The following NCKAP5 variants were observed in gnomAD, a reference collection of about 807,000 sequenced individuals.
NCKAP5 encodes NCK associated protein 5.
A neutral mutation model predicts 167.0 loss-of-function variants in NCKAP5; 92 were observed. The ratio of observed to expected loss-of-function variants is 0.55; its 90% CI spans 0.47 to 0.66. NCKAP5 has a LOEUF of 0.66. NCKAP5 is among the 30% of genes least tolerant of loss of function. The pLI is 0.00. For missense variants in NCKAP5, 2,378 were observed against 2,315.0 expected (o/e 1.03, Z -0.56); for synonymous variants, 891 against 877.4 (o/e 1.02, Z -0.27).
intron 2 of NCKAP5, among the ~76,000 whole-genome samples, chr2:133,547,238 G>A (rs1350254972): frequency 6.6e-6 from 1 of 152,168 alleles, no homozygotes; most frequent in East Asian, 1.9e-4. Context: ...CGCCCACGGA[G>A]TCTCGCTGAC....
intron 7 of NCKAP5, among the ~76,000 whole-genome samples, chr2:132,969,256 TG>T (rs2076759353): frequency 1.3e-5 from 2 of 152,186 alleles, no homozygotes; most frequent in African/African-American, 4.8e-5. Flanking sequence ...CAGGCTGGTC[TG>T]TAACTCCTGA....
intron 11 of NCKAP5, among the ~76,000 whole-genome samples, chr2:132,819,604 G>T (rs1030571239): frequency 1.3e-5 from 2 of 152,050 alleles, no homozygotes; most frequent in African/African-American, 4.8e-5. Context: ...GTCCTTCTAG[G>T]GAGCACGGAT....
rs1375678643 is a variant in NCKAP5, at chr2:132,731,949, G to C, written c.5231C>G (p.Ser1744Cys). 1.9e-6 allele frequency: 3 copies of C among 1,613,968 alleles called. No homozygotes were observed. The highest frequency in any genetic ancestry group is 2.7e-5 in the African/African-American group (2 of 75,046). ...STGRYLCQPD[S>C]PEDAEPLLPL... is the part of the protein sequence containing the mutation. The stretch of plus-strand genomic sequence containing the variant: ...CAGGAGAGGCTCAGCGTCCTCTGGG[G>C]AGTCTGGCTGGCATAGGTAGCGTCC... The change falls in exon 17 of 20, where the codon TCC becomes TGC. Residue 1744 changes from serine to cysteine, a missense_variant. Coordinates refer to ENST00000409261, the MANE Select transcript of NCKAP5 (RefSeq NM_207363.3).
chr2:133,556,263 AT>A (rs1483333435), intron 2 of NCKAP5, among the ~76,000 whole-genome samples: 14 of 152,352 alleles, frequency 9.2e-5, no homozygotes, highest in East Asian at 1.9e-4. Context: ...TTATACTTCA[AT>A]AAAAAAGGTT....
intron 11 of NCKAP5, among the ~76,000 whole-genome samples, chr2:132,854,709 T>C (rs1020486872): frequency 6.6e-6 from 1 of 152,190 alleles, no homozygotes; most frequent in Admixed American, 6.5e-5. Flanking sequence ...CCTTTCAGGC[T>C]TAATTGTAGA....
the NCKAP5 span, among the ~76,000 whole-genome samples, chr2:133,646,731 T>A: frequency 2.6e-5 from 4 of 152,198 alleles, no homozygotes; most frequent in Non-Finnish European, 5.9e-5. Context: ...GGTAAATCAC[T>A]TTTAATTCTA....
intron 2 of NCKAP5, chr2:133,526,963 T>C (rs1684975316): frequency 6.6e-6 from 1 of 152,132 alleles, no homozygotes; most frequent in South Asian, 2.1e-4. Flanking sequence ...AATGAGTGAA[T>C]TAAATTAGAA....
At chr2:133,170,264 G>T (rs1367437227) in intron 5 of NCKAP5, among the ~76,000 whole-genome samples, 1 of 152,102 alleles carries the variant, frequency 6.6e-6, no homozygotes, top group Non-Finnish European at 1.5e-5. Context: ...GGGGCAGATA[G>T]AACTCAAAAA....
intron 4 of NCKAP5, among the ~76,000 whole-genome samples, chr2:133,221,242 T>A (rs1274882368): frequency 6.6e-6 from 1 of 152,184 alleles, no homozygotes; most frequent in African/African-American, 2.4e-5. Flanking sequence ...AAAGTCAGTT[T>A]CCTTTACTGT....
At chr2:133,177,153 G>A (rs924199413) in intron 5 of NCKAP5, among the ~76,000 whole-genome samples, 3 of 88,150 alleles carry the variant, frequency 3.4e-5, no homozygotes, top group Admixed American at 2.8e-4. Context: ...CGACACAGGA[G>A]GTTTTGTTTT....
chr2:132,772,557 A>G (rs1401295931), intron 16 of NCKAP5, among the ~76,000 whole-genome samples: 1 of 152,244 alleles, frequency 6.6e-6, no homozygotes, highest in Non-Finnish European at 1.5e-5. Flanking sequence ...AGGGCTTTGC[A>G]CAATGTCATG....
intron 11 of NCKAP5, among the ~76,000 whole-genome samples, chr2:132,823,570 A>C (rs959284379): frequency 6.6e-6 from 1 of 152,194 alleles, no homozygotes; most frequent in East Asian, 1.9e-4. Flanking sequence ...CTTCAAAGAA[A>C]ACCTCAGAAT....
intron 3 of NCKAP5, among the ~76,000 whole-genome samples, chr2:133,360,061 A>G (rs542071186): frequency 5.7e-4 from 86 of 152,166 alleles, no homozygotes; most frequent in Non-Finnish European, 1.2e-3. Context: ...TGACCGCCCC[A>G]CCACCAGCCT....
At chr2:133,176,923 T>G (rs1044027210) in intron 5 of NCKAP5, among the ~76,000 whole-genome samples, 6 of 152,114 alleles carry the variant, frequency 3.9e-5, no homozygotes, top group African/African-American at 1.2e-4. Flanking sequence ...TACATTTAAT[T>G]CCATATAGGG....
intron 2 of NCKAP5, among the ~76,000 whole-genome samples, chr2:133,526,182 A>C (rs1475660371): frequency 8.4e-6 from 1 of 118,906 alleles, no homozygotes; most frequent in Admixed American, 8.7e-5. Context: ...GAAGGAAGGA[A>C]GGAAGGAAGG....
chr2:132,990,849 A>G (rs2077429014), intron 7 of NCKAP5, among the ~76,000 whole-genome samples: 1 of 152,222 alleles, frequency 6.6e-6, no homozygotes, highest in Non-Finnish European at 1.5e-5. Flanking sequence ...AATTGTGTTA[A>G]GCCACCAAGT....
chr2:132,950,852 C>A (rs997192554), intron 8 of NCKAP5, among the ~76,000 whole-genome samples: 8 of 151,996 alleles, frequency 5.3e-5, no homozygotes, highest in African/African-American at 1.9e-4. Flanking sequence ...TTACCAAAAC[C>A]AATTTGACTT....
intron 4 of NCKAP5, among the ~76,000 whole-genome samples, chr2:133,226,597 G>A (rs1391259600): frequency 2.5e-5 from 2 of 79,646 alleles, no homozygotes; most frequent in African/African-American, 4.8e-5. Flanking sequence ...GGGAAAATTT[G>A]AAGATAAACA....
chr2:132,843,591 CTT>C (rs371545333), intron 11 of NCKAP5, among the ~76,000 whole-genome samples: 1 of 149,544 alleles, frequency 6.7e-6, no homozygotes, highest in Non-Finnish European at 1.5e-5. Flanking sequence ...GTAAGTTTTT[CTT>C]TTTTTTTAAT....
Sources: allele counts gnomAD v4.1 joint callset (sites outside exome capture counted in the v4.1 genomes callset), GRCh38; gene constraint gnomAD v4.1.1; transcripts MANE v1.5; gene names NCBI Gene and HGNC (gene_info 2026-07-23, HGNC 2026-07-21).